Variants in USP35 observed in about 807,000 individuals in gnomAD.
USP35 encodes the protein ubiquitin carboxyl-terminal hydrolase 35.
USP35 carries 69 observed loss-of-function variants against 83.8 expected under a neutral mutation model. The ratio of observed to expected loss-of-function variants is 0.82; its 90% confidence interval spans 0.68 to 1.01. The LOEUF (loss-of-function observed/expected upper bound fraction) is 1.01. Ranked by LOEUF, USP35 falls within the 50% of genes least tolerant of loss-of-function variation. The pLI is 0.00. For synonymous variants in USP35, 714 were observed against 589.5 expected (o/e 1.21, Z -3.06); for missense variants, 1,503 against 1,362.5 (o/e 1.10, Z -1.62).
At chr11:78,205,601 A>G (rs187384353) in intron 6 of USP35, among the ~76,000 whole-genome samples, 1 of 152,286 alleles carries the variant, frequency 6.6e-6, no homozygotes, top group Admixed American at 6.5e-5. Context: ...AATCTATAAA[A>G]TGGGAATTAT....
downstream of USP35, chr11:78,215,617 A>ATAATTCTAGATTTCAAGACACAAG (rs1491209585): frequency 6.6e-6 from 1 of 152,262 alleles, no homozygotes. Context: ...TCTGCGTGAA[A>ATAATTCTAGATTTCAAGACACAAG]TAATTCTAGA....
At chr11:78,198,494 C>T (rs1863226548) in intron 3 of USP35, among the ~76,000 whole-genome samples, 1 of 152,186 alleles carries the variant, frequency 6.6e-6, no homozygotes, top group African/African-American at 2.4e-5. Flanking sequence ...GCATATCCCC[C>T]ACCTCATCTG....
chr11:78,222,291 T>C, the USP35 span: 2 of 784,398 alleles, frequency 2.5e-6, no homozygotes, highest in Non-Finnish European at 4.5e-6. Context: ...TATAAAGGCC[T>C]GCAAAGTCAT....
At chr11:78,200,262 T>G in intron 5 of USP35, 28 bp downstream of exon 5, 2 of 1,609,672 alleles carry the variant, frequency 1.2e-6, no homozygotes, top group Non-Finnish European at 8.5e-7. Flanking sequence ...CTGCCCCTGG[T>G]GAGGCCCCTG....
the USP35 span, chr11:78,223,573 C>T: frequency 1.9e-6 from 3 of 1,613,800 alleles, no homozygotes; most frequent in Non-Finnish European, 2.5e-6. Context: ...GGAATTATCA[C>T]CTGCTCGTTC....
rs554348167 is a variant in USP35 at position 78,204,096 on chromosome 11, T to C, written c.1198-1746T>C. Among the ~76,000 whole-genome samples the C allele has an allele frequency of 5.9e-5, 9 of 151,898 alleles. No homozygotes were observed. The South Asian group carries it at 1.5e-3, about 25-fold the overall frequency. ...TAGTAGAGACGGGGTTTCACCGTTT[T>C]AGCCGGGATGGTCTCGATCTCCTGA... On this transcript the variant is annotated intron_variant, in intron 6 of 10. Transcript: ENST00000529308.
intron 1 of USP35, among the ~76,000 whole-genome samples, chr11:78,195,635 A>G (rs7118754): frequency 0.063 from 9,609 of 152,222 alleles, 960 homozygotes; most frequent in African/African-American, 0.22. Context: ...CAGGGTCACC[A>G]GGGAGGTCTG....
the USP35 span, among the ~76,000 whole-genome samples, chr11:78,235,887 C>T: frequency 3.3e-5 from 5 of 152,186 alleles, no homozygotes; most frequent in South Asian, 4.1e-4. Context: ...GTTCCAAAGT[C>T]GCTTCCACAT....
the USP35 span, among the ~76,000 whole-genome samples, chr11:78,236,222 A>T: frequency 2.0e-5 from 3 of 152,268 alleles, no homozygotes; most frequent in South Asian, 2.1e-4. Flanking sequence ...TATAATTAAA[A>T]TTTTTTCATT....
chr11:78,217,206 C>T (rs1162417090), downstream of USP35: 1 of 152,422 alleles, frequency 6.6e-6, no homozygotes, highest in African/African-American at 2.4e-5. Context: ...CATTTGAAGT[C>T]TCTGTCTGAT....
At position 78,196,169 on chromosome 11, in the gene USP35, G is replaced by GT. The variant is rs1863136415; in HGVS notation, c.-10-67_-10-66insT. On this transcript the variant is annotated intron_variant, in intron 1 of 10. Transcript: ENST00000529308. The surrounding 1 kb of genome is among the most constrained non-coding windows in gnomAD (Gnocchi z 4.8). ...GCTTGCCCTAAGTCTCAGCACTCGG[G>GT]GACTGCACCGGGAACTCTTGAGCCC... The GT allele has an allele frequency of 6.7e-7, 1 of 1,496,156 alleles. No individual in the cohort carries two copies. The highest frequency in any genetic ancestry group is 1.5e-5 in the African/African-American group (1 of 68,600). The allele number at this position is 1,496,156 out of a possible 1,614,324, so 92.7% of individuals were successfully genotyped here.
chr11:78,227,302 A>G, the USP35 span, among the ~76,000 whole-genome samples: 4 of 152,236 alleles, frequency 2.6e-5, no homozygotes, highest in Non-Finnish European at 5.9e-5. Flanking sequence ...AAGTATCAAT[A>G]AGCCAGATGG....
In USP35 at chr11:78,196,286, C is replaced by G. The variant is rs747001286; in HGVS notation, c.41C>G (p.Pro14Arg). ...ILEAVVTSSY[P>R]VSVKQGLVRR... ...GAGGCGGTGGTGACGTCGTCATACC[C>G]GGTCAGCGTGAAGCAGGGGCTGGTT... is the stretch of plus-strand genomic sequence containing the variant. The change falls in exon 2 of 11, where the codon CCG (proline) becomes CGG (arginine). Residue 14 changes from proline (P) to arginine (R), a missense_variant. Physicochemically the swap from Pro to Arg is moderately radical, Grantham distance 103. Transcript: ENST00000529308. The surrounding 1 kb of genome is among the most constrained non-coding windows in gnomAD (Gnocchi z 4.8). 4 of 1,595,146 alleles carry G rather than the reference C, an allele frequency of 2.5e-6. No individual in the cohort carries two copies. The highest frequency in any genetic ancestry group is 1.7e-5 in the Admixed American group (1 of 59,808).
chr11:78,210,130 C>A lies in USP35; in HGVS notation c.2275C>A (p.Arg759Ser). The A allele has an allele frequency of 2.5e-6, 4 of 1,613,600 alleles. No individual in the cohort carries two copies. The highest frequency in any genetic ancestry group is 3.4e-6 in the Non-Finnish European group (4 of 1,179,766). Residue 759 changes from arginine to serine, a missense_variant, in exon 10 of 11, where the codon CGC becomes AGC. Coordinates refer to ENST00000529308, the MANE Select transcript of USP35 (RefSeq NM_020798.4). ...GERTCGSEGS[R>S]SVLDLVNYFL... ...GCGGACATGTGGCTCTGAGGGCTCC[C>A]GCTCCGTCCTGGACCTGGTTAACTA...
the USP35 span, among the ~76,000 whole-genome samples, chr11:78,222,480 CT>C: frequency 6.7e-6 from 1 of 150,252 alleles, no homozygotes; most frequent in Non-Finnish European, 1.5e-5. Flanking sequence ...ATTTTTCTCC[CT>C]CAATTTATGA....
rs1406030734 is a variant in USP35, at chr11:78,214,080, T to TCC, written c.*271_*272dup. ...AGATGGGCACACACGGGTCTTTGCC[T>TCC]CCCCCTCCTTCCCTAGCAGGCTCCC... is the stretch of plus-strand genomic sequence containing the variant. On this transcript the variant is annotated 3_prime_UTR_variant, in exon 11 of 11. Transcript: ENST00000529308. The TCC allele has an allele frequency of 5.6e-6, 2 of 356,546 alleles. No homozygotes were observed. The highest frequency in any genetic ancestry group is 1.0e-5 in the Non-Finnish European group (2 of 199,022). The allele number at this position is 356,546 out of a possible 1,614,324, so 22.1% of individuals were successfully genotyped here. A position where few individuals can be genotyped will look rare whatever the true frequency, so the allele number is the denominator to read the frequency against.
At chr11:78,212,466 CTGTGAA>C (rs1239163399) in intron 10 of USP35, among the ~76,000 whole-genome samples, 1 of 152,058 alleles carries the variant, frequency 6.6e-6, no homozygotes, top group Non-Finnish European at 1.5e-5. Context: ...TTTTCTAATT[CTGTGAA>C]TGTGAATGGT....
At position 78,214,135 on chromosome 11, in the gene USP35, A is replaced by AACAGGCTAGACC. The variant is rs1863950183; in HGVS notation, c.*323_*334dup. Reference sequence around the variant, plus strand: ...CGGGAAGATCTGATGATGTTCAGGAAACAGGCTAGACCTCAGCTCCAATGT... The same window carrying AACAGGCTAGACC: ...CGGGAAGATCTGATGATGTTCAGGAAACAGGCTAGACCACAGGCTAGACCTCAGCTCCAATGT... On this transcript the variant is annotated 3_prime_UTR_variant, in exon 11 of 11. Coordinates refer to ENST00000529308, the MANE Select transcript of USP35 (RefSeq NM_020798.4). 3.7e-6 allele frequency: 1 copy of AACAGGCTAGACC among 269,908 alleles called. No homozygotes were observed. Among genetic ancestry groups the AACAGGCTAGACC allele is most frequent in the Non-Finnish European group, 6.9e-6 (1 of 144,558 alleles). The allele number at this position is 269,908 out of a possible 1,614,324, so 16.7% of individuals were successfully genotyped here. A position where few individuals can be genotyped will look rare whatever the true frequency, so the allele number is the denominator to read the frequency against.
At chr11:78,220,170 A>G (rs552751362), downstream of USP35, 199 of 768,784 alleles carry the variant, frequency 2.6e-4, 1 homozygote, top group South Asian at 1.5e-3. Flanking sequence ...TGAAAGCTCT[A>G]TGACTAAAGA....
Sources: allele counts gnomAD v4.1 joint callset (sites outside exome capture counted in the v4.1 genomes callset), GRCh38; gene constraint gnomAD v4.1.1; non-coding constraint Gnocchi (gnomAD v3.1); transcripts MANE v1.5; gene names NCBI Gene and HGNC (gene_info 2026-07-23, HGNC 2026-07-21).